Variants in TTC28 observed in about 807,000 individuals in gnomAD.
The protein encoded by TTC28 is tetratricopeptide repeat protein 28.
In TTC28, 61 loss-of-function variants were observed where a neutral mutation model predicts 198.0. The ratio of observed to expected loss-of-function variants is 0.31; its 90% CI spans 0.25 to 0.38. TTC28 has a LOEUF of 0.38. Ranked by LOEUF, TTC28 falls within the 10% of genes least tolerant of loss-of-function variation. The pLI is 1.00. For synonymous variants in TTC28, 1,171 were observed against 1,297.8 expected (o/e 0.90, Z 2.10); for missense variants, 2,678 against 3,164.0 (o/e 0.85, Z 3.69).
Position 28,032,250 on chromosome 22 carries a change from A to AAT in TTC28, c.3933-1886_3933-1885dup, listed in dbSNP as rs1302384693. On this transcript the variant is annotated intron_variant, in intron 12 of 22. Coordinates refer to ENST00000397906, the MANE Select transcript of TTC28 (RefSeq NM_001145418.2). ...ATATATATAAAATATATATATATAA[A>AAT]ATATATATATATATATAGTGTGTGT... 2.4e-3 allele frequency among the ~76,000 whole-genome samples: 218 copies of AAT among 89,960 alleles called. 6 individuals are homozygous for AAT. In the East Asian group the frequency reaches 0.028, roughly 12 times the overall value. 59.0% of individuals were successfully genotyped at this position (89,960 alleles called of 152,430 possible). A position where few individuals can be genotyped will look rare whatever the true frequency, so the allele number is the denominator to read the frequency against.
chr22:28,506,783 G>A (rs1367004567), intron 2 of TTC28, among the ~76,000 whole-genome samples: 1 of 152,178 alleles, frequency 6.6e-6, no homozygotes, highest in Non-Finnish European at 1.5e-5. Flanking sequence ...AGGCAACTAG[G>A]GTCTGGAGCA....
At chr22:28,347,045 T>A (rs1307364560) in intron 2 of TTC28, among the ~76,000 whole-genome samples, 1 of 152,002 alleles carries the variant, frequency 6.6e-6, no homozygotes, top group Non-Finnish European at 1.5e-5. Flanking sequence ...GGCAGATCAC[T>A]TGAGGTCAGG....
At chr22:28,208,705 A>G (rs1926637117) in intron 5 of TTC28, among the ~76,000 whole-genome samples, 1 of 152,176 alleles carries the variant, frequency 6.6e-6, no homozygotes, top group Non-Finnish European at 1.5e-5. Context: ...CTTCCAAAAT[A>G]TAGTATTTTA....
rs557768890 is a variant in TTC28 at position 28,066,766 on chromosome 22, C to T, written c.3932+27314G>A. Among the ~76,000 whole-genome samples, 9 of 152,278 alleles carry T rather than the reference C, an allele frequency of 5.9e-5. No individual in the cohort carries two copies. In the East Asian group the frequency reaches 1.7e-3, roughly 29 times the overall value. On this transcript the variant is annotated intron_variant, in intron 12 of 22. Transcript: ENST00000397906. ...GCCTATTCCACACTTCTGGCCCTGG[C>T]TACAGGGTGGGTCCCCCTAACCCTC...
chr22:28,163,757 C>T (rs1331635671), intron 5 of TTC28, among the ~76,000 whole-genome samples, 158 bp from the exon 6 acceptor site: 1 of 152,216 alleles, frequency 6.6e-6, no homozygotes, highest in Non-Finnish European at 1.5e-5. Flanking sequence ...GTGATTTCTG[C>T]ATTTCCAACT....
At chr22:28,663,344 G>C (rs1260949361) in intron 1 of TTC28, among the ~76,000 whole-genome samples, 1 of 146,010 alleles carries the variant, frequency 6.8e-6, no homozygotes, top group African/African-American at 2.6e-5. Flanking sequence ...CAGCGTGAGC[G>C]ACACAGAAGA....
At chr22:28,189,790 G>A (rs190941739) in intron 5 of TTC28, among the ~76,000 whole-genome samples, 3 of 151,994 alleles carry the variant, frequency 2.0e-5, no homozygotes, top group Admixed American at 2.0e-4. Context: ...ATTGAAGCTT[G>A]AAGAAGAATT....
At chr22:28,475,494 T>A (rs1041140364) in intron 2 of TTC28, among the ~76,000 whole-genome samples, 38 of 152,304 alleles carry the variant, frequency 2.5e-4, no homozygotes, top group Non-Finnish European at 1.6e-4. Context: ...AATCCATTTT[T>A]TTCCCTCATC....
At chr22:28,106,412 C>G (rs897949098) in intron 7 of TTC28, among the ~76,000 whole-genome samples, 6 of 152,132 alleles carry the variant, frequency 3.9e-5, no homozygotes, top group African/African-American at 1.4e-4. Context: ...ATGACCAAAC[C>G]AGTTGTGTGG....
intron 6 of TTC28, among the ~76,000 whole-genome samples, chr22:28,161,707 G>A (rs949950081): frequency 6.8e-6 from 1 of 147,806 alleles, no homozygotes; most frequent in Non-Finnish European, 1.5e-5. Context: ...GAGAGGAGGG[G>A]AAAGAGGAAA....
intron 2 of TTC28, among the ~76,000 whole-genome samples, chr22:28,515,605 T>C (rs748167174): frequency 6.6e-6 from 1 of 152,142 alleles, no homozygotes; most frequent in Non-Finnish European, 1.5e-5. Context: ...CTTTGGGCAA[T>C]GCAACAGAGT....
At chr22:27,993,027 G>A (rs937269754) in intron 18 of TTC28, 13 of 568,104 alleles carry the variant, frequency 2.3e-5, no homozygotes, top group Middle Eastern at 4.6e-4. Context: ...CTGCCGGCAC[G>A]ACCTCCCATC....
At position 28,677,551 on chromosome 22, in the gene TTC28, A is replaced by C. The variant is rs183538820; in HGVS notation, c.102+2071T>G. 8.5e-4 allele frequency among the ~76,000 whole-genome samples: 129 copies of C among 152,284 alleles called. 1 individual carries two copies. Among genetic ancestry groups the C allele is most frequent in the Middle Eastern group, 6.8e-3 (2 of 294 alleles). The stretch of plus-strand genomic sequence containing the variant: ...CTACTCAAGAGGCTGAGGCATTAGA[A>C]TCGCTGGAATCTGGGAGGTGGAGGT... On this transcript the variant is annotated intron_variant, in intron 1 of 22. Coordinates refer to ENST00000397906, the MANE Select transcript of TTC28 (RefSeq NM_001145418.2).
intron 2 of TTC28, among the ~76,000 whole-genome samples, chr22:28,476,180 T>C (rs1265876239): frequency 6.6e-6 from 1 of 152,232 alleles, no homozygotes; most frequent in Non-Finnish European, 1.5e-5. Context: ...TTATTCTTAA[T>C]GCTGTATGTA....
chr22:28,629,431 G>T, intron 2 of TTC28, 121 bp downstream of exon 2: 2 of 986,744 alleles, frequency 2.0e-6, no homozygotes, highest in African/African-American at 1.6e-5. Context: ...TTTATATTTT[G>T]CTGAAGTACA....
chr22:28,411,819 A>G (rs560660469), intron 2 of TTC28, among the ~76,000 whole-genome samples: 1 of 152,288 alleles, frequency 6.6e-6, no homozygotes, highest in East Asian at 1.9e-4. Context: ...AAACAACCAA[A>G]ACCAAAAATT....
chr22:28,644,833 C>T (rs12167434), intron 1 of TTC28, among the ~76,000 whole-genome samples: 20,683 of 151,772 alleles, frequency 0.14, 1,633 homozygotes, highest in African/African-American at 0.2. Flanking sequence ...AAAAATTAAA[C>T]TAAATTAAAA....
chr22:28,290,245 C>T (rs1391133168), intron 5 of TTC28, among the ~76,000 whole-genome samples: 4 of 152,144 alleles, frequency 2.6e-5, no homozygotes, highest in Middle Eastern at 3.4e-3. Flanking sequence ...ATTTCACTAT[C>T]AAAATGATGC....
chr22:28,029,104 C>G (rs1179180027), intron 13 of TTC28: 3 of 471,090 alleles, frequency 6.4e-6, no homozygotes, highest in African/African-American at 2.0e-5. Flanking sequence ...CCTCCGCAAA[C>G]CTGGTTGCAT....
Sources: allele counts gnomAD v4.1 joint callset (sites outside exome capture counted in the v4.1 genomes callset), GRCh38; gene constraint gnomAD v4.1.1; transcripts MANE v1.5; gene names NCBI Gene and HGNC (gene_info 2026-07-23, HGNC 2026-07-21).